TAF4B: variants seen among roughly 807,000 people sequenced by gnomAD.
TAF4B encodes the protein TATA-box binding protein associated factor 4b.
A neutral mutation model predicts 86.4 loss-of-function variants in TAF4B; 38 were observed. That is an observed-to-expected ratio of 0.44 (90% CI 0.34 to 0.58). The LOEUF is 0.58. Ranked by LOEUF, TAF4B falls within the 20% of genes least tolerant of loss-of-function variation. The pLI is 0.02. For missense variants in TAF4B, 988 were observed against 1,027.6 expected, an observed-to-expected ratio of 0.96 and a Z score of 0.53; for synonymous variants, 388 against 391.2, an observed-to-expected ratio of 0.99 and a Z score of 0.10.
chr18:26,368,473 A>G (rs573577425), intron 14 of TAF4B, among the ~76,000 whole-genome samples: 1 of 152,330 alleles, frequency 6.6e-6, no homozygotes, highest in Non-Finnish European at 1.5e-5. Context: ...TGAAAGGCCC[A>G]GATTTAATTT....
chr18:26,306,983 G>A (rs567980505), intron 9 of TAF4B, among the ~76,000 whole-genome samples: 11 of 151,952 alleles, frequency 7.2e-5, no homozygotes, highest in East Asian at 3.9e-4. Context: ...GAGTTTCACC[G>A]TGTTAGCCAG....
At chr18:26,316,087 C>T (rs560341663) in intron 10 of TAF4B, among the ~76,000 whole-genome samples, 4 of 150,560 alleles carry the variant, frequency 2.7e-5, no homozygotes, top group Non-Finnish European at 4.5e-5. Context: ...CGCCTGTAGT[C>T]TTAGCTACTC....
At chr18:26,312,726 G>T (rs774045282) in intron 9 of TAF4B, among the ~76,000 whole-genome samples, 4 of 152,074 alleles carry the variant, frequency 2.6e-5, no homozygotes, top group African/African-American at 9.7e-5. Context: ...TGTACCTGGC[G>T]CACATCTTAG....
intron 14 of TAF4B, among the ~76,000 whole-genome samples, chr18:26,381,637 G>A (rs1171915711): frequency 6.6e-6 from 1 of 151,884 alleles, no homozygotes; most frequent in Admixed American, 6.6e-5. Flanking sequence ...TGAGACAGGG[G>A]AATCGCTTGA....
chr18:26,267,371 AAT>A (rs2056254012), intron 2 of TAF4B, 143 bp from the exon 3 acceptor site: 1 of 581,208 alleles, frequency 1.7e-6, no homozygotes, highest in Non-Finnish European at 3.1e-6. Context: ...TATAGTATAG[AAT>A]GTGCATAAAA....
intron 1 of TAF4B, among the ~76,000 whole-genome samples, chr18:26,239,500 T>C (rs2055802353): frequency 6.6e-6 from 1 of 152,236 alleles, no homozygotes; most frequent in Admixed American, 6.5e-5. Context: ...CTTTGTCAGA[T>C]GGGTAGATTG....
intron 14 of TAF4B, among the ~76,000 whole-genome samples, chr18:26,384,876 G>A (rs1978316595): frequency 6.6e-6 from 1 of 152,224 alleles, no homozygotes; most frequent in Non-Finnish European, 1.5e-5. Flanking sequence ...ATTTGAGATT[G>A]CCTATGGAGG....
chr18:26,267,648 A>G (rs1255747059), intron 3 of TAF4B, 25 bp downstream of exon 3: 3 of 1,513,488 alleles, frequency 2.0e-6, no homozygotes, highest in African/African-American at 2.7e-5. Context: ...CCATTCGTGC[A>G]CTTGTTGTTC....
intron 13 of TAF4B, among the ~76,000 whole-genome samples, chr18:26,347,122 A>G (rs544962644): frequency 4.0e-5 from 6 of 151,034 alleles, no homozygotes; most frequent in Non-Finnish European, 7.4e-5. Context: ...GGGTTTCACC[A>G]TGTTAGCCAG....
At chr18:26,364,178 T>C (rs893487867) in intron 14 of TAF4B, among the ~76,000 whole-genome samples, 1 of 152,186 alleles carries the variant, frequency 6.6e-6, no homozygotes, top group Non-Finnish European at 1.5e-5. Context: ...TAAAATTGAA[T>C]AGCATCAGCT....
intron 9 of TAF4B, among the ~76,000 whole-genome samples, chr18:26,312,747 C>T (rs950687862): frequency 6.6e-6 from 1 of 152,074 alleles, no homozygotes; most frequent in Non-Finnish European, 1.5e-5. Flanking sequence ...TTGACAGGCA[C>T]TCAGTGTTGT....
chr18:26,266,695 A>G (rs907533946), intron 2 of TAF4B: 2 of 152,028 alleles, frequency 1.3e-5, no homozygotes, highest in Non-Finnish European at 2.9e-5. Context: ...CCCTGTCTCT[A>G]CTAAAAATAC....
chr18:26,260,519 C>A (rs2056149128), intron 1 of TAF4B, among the ~76,000 whole-genome samples: 1 of 152,184 alleles, frequency 6.6e-6, no homozygotes, highest in African/African-American at 2.4e-5. Flanking sequence ...GTTTTCCCAG[C>A]ACCATTTGTT....
intron 11 of TAF4B, among the ~76,000 whole-genome samples, chr18:26,325,863 T>C (rs1054328235): frequency 6.6e-6 from 1 of 152,234 alleles, no homozygotes; most frequent in Non-Finnish European, 1.5e-5. Flanking sequence ...CACTAATATA[T>C]CCTTGTTCCT....
At position 26,272,197 on chromosome 18, in the gene TAF4B, C is replaced by T. The variant is rs117697677; in HGVS notation, c.598-2466C>T. Among the ~76,000 whole-genome samples, 211 of 152,212 alleles carry T rather than the reference C, an allele frequency of 1.4e-3. 2 individuals carry two copies. The East Asian group carries it at 0.03, about 22-fold the overall frequency. On this transcript the variant is annotated intron_variant, in intron 3 of 14. Transcript: ENST00000269142. ...AACCTTTCCCCTAATCTTCCGGTTG[C>T]GTCTATCAAGATCATCAGGCATTAG...
In TAF4B at chr18:26,346,825, A is replaced by G. The variant is rs12953456; in HGVS notation, c.2317-10865A>G. ...TGTATATATATATATATGTGTGTGTATATATATATATGTGTGTGTGTATAT... is the reference window on the plus strand; with the variant it reads ...TGTATATATATATATATGTGTGTGTGTATATATATATGTGTGTGTGTATAT... On this transcript the variant is annotated intron_variant, in intron 13 of 14. Transcript: ENST00000269142. Among the ~76,000 whole-genome samples the G allele has an allele frequency of 1.5e-3, 29 of 19,928 alleles. 4 individuals carry two copies. The highest frequency in any genetic ancestry group is 3.3e-3 in the African/African-American group (27 of 8,110). The allele number at this position is 19,928 out of a possible 152,430, so 13.1% of individuals were successfully genotyped here.
At chr18:26,308,571 CTTG>C in intron 9 of TAF4B, among the ~76,000 whole-genome samples, 1 of 152,158 alleles carries the variant, frequency 6.6e-6, no homozygotes, top group South Asian at 2.1e-4. Flanking sequence ...CTAAAAATTT[CTTG>C]TTAAGAAATT....
chr18:26,315,099 T>A (rs954601408), intron 9 of TAF4B, 130 bp from the exon 10 acceptor site: 15 of 166,542 alleles, frequency 9.0e-5, no homozygotes, highest in African/African-American at 7.4e-4. Flanking sequence ...TCTGAAACTC[T>A]CTCTCTCTCT....
At chr18:26,231,945 T>G (rs2055677571) in intron 1 of TAF4B, among the ~76,000 whole-genome samples, 1 of 152,112 alleles carries the variant, frequency 6.6e-6, no homozygotes, top group African/African-American at 2.4e-5. Flanking sequence ...CGAGTGCACT[T>G]TTTTCAGTTC....
Sources: allele counts gnomAD v4.1 joint callset (sites outside exome capture counted in the v4.1 genomes callset), GRCh38; gene constraint gnomAD v4.1.1; transcripts MANE v1.5; gene names NCBI Gene and HGNC (gene_info 2026-07-23, HGNC 2026-07-21).